Variants in FSTL5 observed in about 807,000 individuals in gnomAD.
FSTL5 encodes the protein follistatin like 5.
In FSTL5, 62 loss-of-function variants were observed where a neutral mutation model predicts 89.1. The ratio of observed to expected loss-of-function variants is 0.70; its 90% CI spans 0.57 to 0.86. The LOEUF (loss-of-function observed/expected upper bound fraction) is 0.86, where lower values mean the gene tolerates loss of function less well. FSTL5 is among the 40% of genes least tolerant of loss of function. FSTL5 has a pLI of 0.00. For missense variants in FSTL5, 1,057 were observed against 1,001.6 expected (o/e 1.06, Z -0.75); for synonymous variants, 383 against 346.2 (o/e 1.11, Z -1.18).
intron 15 of FSTL5, among the ~76,000 whole-genome samples, chr4:161,397,091 A>G (rs1731031361): frequency 6.6e-6 from 1 of 152,176 alleles, no homozygotes; most frequent in Admixed American, 6.6e-5. Context: ...TTTTCAAAAT[A>G]CATAACTTCT....
chr4:161,829,222 T>G (rs1164498222), intron 4 of FSTL5, among the ~76,000 whole-genome samples: 2 of 149,270 alleles, frequency 1.3e-5, no homozygotes, highest in East Asian at 3.9e-4. Flanking sequence ...TACATTCATC[T>G]GAGTGTATAT....
intron 4 of FSTL5, among the ~76,000 whole-genome samples, chr4:161,832,076 T>C (rs1730863349): frequency 6.6e-6 from 1 of 152,052 alleles, no homozygotes. Context: ...GGAAAATTCT[T>C]ACCTATAAAG....
intron 6 of FSTL5, among the ~76,000 whole-genome samples, chr4:161,688,627 T>A (rs1217069943): frequency 5.9e-5 from 9 of 152,088 alleles, no homozygotes; most frequent in African/African-American, 2.2e-4. Flanking sequence ...GTGTTATGGT[T>A]TCTCATTTAT....
chr4:162,077,154 G>C (rs1475411876), intron 2 of FSTL5, among the ~76,000 whole-genome samples: 12 of 151,854 alleles, frequency 7.9e-5, no homozygotes, highest in Admixed American at 7.9e-4. Flanking sequence ...GGGGCTGGCA[G>C]CTTTCAAGGG....
Position 161,459,326 on chromosome 4 carries a change from TAAAGAAG to T in FSTL5, c.1609-14_1609-8del, listed in dbSNP as rs752198598. 128 of 1,576,588 alleles carry T rather than the reference TAAAGAAG, an allele frequency of 8.1e-5. No individual in the cohort carries two copies. Among genetic ancestry groups the T allele is most frequent in the Non-Finnish European group, 2.3e-5 (26 of 1,148,640 alleles). ...CAGGGTCTGTGCTCACTGCCTACAA[TAAAGAAG>T]AATTGAAAAAAATGTTTTAGACTAA... On this transcript the variant is annotated splice_region_variant and splice_polypyrimidine_tract_variant and intron_variant, in intron 13 of 15. Transcript: ENST00000306100.
intron 8 of FSTL5, among the ~76,000 whole-genome samples, chr4:161,551,153 C>T (rs1426626741): frequency 6.6e-6 from 1 of 151,150 alleles, no homozygotes. Context: ...CCTGAGGAAT[C>T]GCCACACTGA....
chr4:161,762,731 G>T (rs905684130), intron 5 of FSTL5, among the ~76,000 whole-genome samples: 4 of 152,114 alleles, frequency 2.6e-5, no homozygotes, highest in Non-Finnish European at 4.4e-5. Context: ...TGGTGAGGTT[G>T]TTTCTCAAGC....
intron 3 of FSTL5, among the ~76,000 whole-genome samples, chr4:161,947,379 T>C (rs1445125657): frequency 6.6e-6 from 1 of 152,136 alleles, no homozygotes; most frequent in African/African-American, 2.4e-5. Context: ...TTCTACACTT[T>C]ATGTTTTAAG....
chr4:162,046,640 A>G lies in FSTL5; in HGVS notation c.127-12982T>C, dbSNP rs151128905. Among the ~76,000 whole-genome samples the G allele has an allele frequency of 4.6e-5, 7 of 152,256 alleles. No homozygotes were observed. The East Asian group carries it at 1.4e-3, about 29-fold the overall frequency. ...CCACATAAATTAAATAAACATGCCA[A>G]TTATTATAACAGTATTTTCAGTGTA... On this transcript the variant is annotated intron_variant, in intron 2 of 15. Coordinates refer to ENST00000306100, the MANE Select transcript of FSTL5 (RefSeq NM_020116.5).
chr4:161,697,941 G>GTGTGTGTGTGTGTGTGTA (rs1429802656), intron 6 of FSTL5, among the ~76,000 whole-genome samples: 1 of 150,728 alleles, frequency 6.6e-6, no homozygotes, highest in Non-Finnish European at 1.5e-5. Flanking sequence ...ATGGGAAGGT[G>GTGTGTGTGTGTGTGTGTA]TGTGTGTGTG....
At chr4:161,897,652 A>C (rs1733210232) in intron 4 of FSTL5, among the ~76,000 whole-genome samples, 1 of 151,892 alleles carries the variant, frequency 6.6e-6, no homozygotes, top group Non-Finnish European at 1.5e-5. Context: ...ACAAAATCCC[A>C]GTTTCCCCTA....
intron 15 of FSTL5, among the ~76,000 whole-genome samples, chr4:161,432,553 A>G (rs1732413287): frequency 6.6e-6 from 1 of 152,082 alleles, no homozygotes; most frequent in Admixed American, 6.5e-5. Flanking sequence ...AAGCAGGAAC[A>G]AACTTAATCC....
intron 8 of FSTL5, among the ~76,000 whole-genome samples, chr4:161,555,215 A>G (rs952855010): frequency 2.6e-5 from 4 of 151,510 alleles, no homozygotes; most frequent in African/African-American, 9.7e-5. Context: ...CTATTTTGAA[A>G]GAGACAGTTC....
intron 1 of FSTL5, among the ~76,000 whole-genome samples, chr4:162,114,597 CATT>C (rs1731567605): frequency 6.6e-6 from 1 of 151,124 alleles, no homozygotes; most frequent in Admixed American, 6.6e-5. Flanking sequence ...ATATTTCATG[CATT>C]ATAAAATATA....
intron 2 of FSTL5, among the ~76,000 whole-genome samples, chr4:162,036,494 G>A (rs140219771): frequency 2.1e-3 from 315 of 152,112 alleles, no homozygotes; most frequent in African/African-American, 7.2e-3. Flanking sequence ...CTCACAGGAC[G>A]TATTTCAACC....
rs569562650 is a variant in FSTL5 at position 161,877,977 on chromosome 4, A to G, written c.409+42427T>C. Among the ~76,000 whole-genome samples, 4 of 106,522 alleles carry G rather than the reference A, an allele frequency of 3.8e-5. No homozygotes were observed. The South Asian group carries it at 1.2e-3, about 31-fold the overall frequency. The allele number at this position is 106,522 out of a possible 152,430, so 69.9% of individuals were successfully genotyped here. A position where few individuals can be genotyped will look rare whatever the true frequency, so the allele number is the denominator to read the frequency against. ...CACCAATATTCTGTTTTTTAGGTGC[A>G]TATATTTATATTAAAAATCTTTTTT... On this transcript the variant is annotated intron_variant, in intron 4 of 15. Coordinates refer to ENST00000306100, the MANE Select transcript of FSTL5 (RefSeq NM_020116.5).
At chr4:161,758,348 T>A (rs898211556) in intron 6 of FSTL5, among the ~76,000 whole-genome samples, 17 of 152,278 alleles carry the variant, frequency 1.1e-4, no homozygotes, top group African/African-American at 3.8e-4. Flanking sequence ...AAATGGAAAT[T>A]TTGGTTTCAA....
intron 7 of FSTL5, among the ~76,000 whole-genome samples, chr4:161,590,537 TCAAAA>T (rs375671700): frequency 1.3e-5 from 2 of 151,968 alleles, no homozygotes; most frequent in East Asian, 1.9e-4. Context: ...AGACTCCATC[TCAAAA>T]CAAAACAAAA....
chr4:161,575,176 C>T (rs1733165667), intron 8 of FSTL5, among the ~76,000 whole-genome samples: 1 of 152,088 alleles, frequency 6.6e-6, no homozygotes, highest in Non-Finnish European at 1.5e-5. Flanking sequence ...ATATACTTTG[C>T]CCACTTTTTG....
Sources: allele counts gnomAD v4.1 joint callset (sites outside exome capture counted in the v4.1 genomes callset), GRCh38; gene constraint gnomAD v4.1.1; transcripts MANE v1.5; gene names NCBI Gene and HGNC (gene_info 2026-07-23, HGNC 2026-07-21).